The following SPIDR variants were observed in gnomAD, a reference collection of about 807,000 sequenced individuals.
The protein encoded by SPIDR is scaffold protein involved in DNA repair, also known as DNA repair-scaffolding protein.
SPIDR carries 93 observed loss-of-function variants against 104.6 expected under a neutral mutation model. The observed-to-expected ratio is 0.89, with a 90% CI of 0.75 to 1.06. The LOEUF is 1.06. Among genes scored for constraint, SPIDR ranks in the 50% least tolerant of loss-of-function variants. The pLI, the probability that SPIDR is intolerant of heterozygous loss-of-function variation, is 0.00. For synonymous variants in SPIDR, 431 were observed against 416.9 expected (o/e 1.03, Z -0.41); for missense variants, 1,154 against 1,111.2 (o/e 1.04, Z -0.55).
At chr8:47,485,758 C>A (rs1022164920) in intron 8 of SPIDR, among the ~76,000 whole-genome samples, 1 of 152,194 alleles carries the variant, frequency 6.6e-6, no homozygotes, top group African/African-American at 2.4e-5. Flanking sequence ...TGGAGTGGAC[C>A]TCCAGCAAAC....
chr8:47,325,912 A>G (rs1382820386), intron 5 of SPIDR, among the ~76,000 whole-genome samples: 9 of 152,194 alleles, frequency 5.9e-5, no homozygotes. Context: ...CAGCACACCT[A>G]AAGGTGACAG....
At chr8:47,675,279 A>G (rs1275227488) in intron 11 of SPIDR, among the ~76,000 whole-genome samples, 2 of 152,092 alleles carry the variant, frequency 1.3e-5, no homozygotes, top group African/African-American at 4.8e-5. Flanking sequence ...CAGGTGATCC[A>G]CCCACCTCAG....
At chr8:47,303,149 T>A (rs1220491135) in intron 5 of SPIDR, among the ~76,000 whole-genome samples, 1 of 152,224 alleles carries the variant, frequency 6.6e-6, no homozygotes, top group African/African-American at 2.4e-5. Context: ...CAATGGTGGC[T>A]GCCCCTCCCG....
At chr8:47,551,944 G>A (rs546303186) in intron 8 of SPIDR, among the ~76,000 whole-genome samples, 6 of 152,304 alleles carry the variant, frequency 3.9e-5, no homozygotes, top group Non-Finnish European at 7.3e-5. Flanking sequence ...TGCTTTGAAT[G>A]TGTCCCAGAG....
At chr8:47,332,838 G>T (rs1447626431) in intron 5 of SPIDR, among the ~76,000 whole-genome samples, 1 of 108,806 alleles carries the variant, frequency 9.2e-6, no homozygotes, top group Non-Finnish European at 1.8e-5. Flanking sequence ...CCCACTTTTT[G>T]ATGGGGTTGT....
chr8:47,566,157 C>G (rs2057812758), intron 8 of SPIDR, among the ~76,000 whole-genome samples: 1 of 151,008 alleles, frequency 6.6e-6, no homozygotes, highest in Admixed American at 6.6e-5. Context: ...CAGGCATGAG[C>G]CACCATGCCC....
intron 8 of SPIDR, among the ~76,000 whole-genome samples, chr8:47,526,022 C>T (rs2084930186): frequency 6.6e-6 from 1 of 152,124 alleles, no homozygotes; most frequent in East Asian, 1.9e-4. Flanking sequence ...CAGAAGGAAT[C>T]CAGAAGCATA....
chr8:47,599,283 G>GA, intron 10 of SPIDR, 87 bp downstream of exon 10: 1 of 1,523,554 alleles, frequency 6.6e-7, no homozygotes, highest in Non-Finnish European at 8.9e-7. Flanking sequence ...CTCAGAGCAC[G>GA]TTCTTAGCTG....
intron 8 of SPIDR, among the ~76,000 whole-genome samples, chr8:47,468,427 G>A (rs975108838): frequency 5.9e-5 from 9 of 152,152 alleles, no homozygotes; most frequent in African/African-American, 2.2e-4. Flanking sequence ...CAAAGCTGGA[G>A]GTGTTATGCT....
At chr8:47,373,826 G>A (rs1400283337) in intron 5 of SPIDR, among the ~76,000 whole-genome samples, 1 of 152,158 alleles carries the variant, frequency 6.6e-6, no homozygotes, top group Admixed American at 6.5e-5. Context: ...AAATGTGAAT[G>A]GTAATGATTT....
intron 5 of SPIDR, among the ~76,000 whole-genome samples, chr8:47,348,346 C>G (rs62539081): frequency 2.0e-5 from 3 of 152,114 alleles, no homozygotes; most frequent in East Asian, 1.9e-4. Flanking sequence ...TCCCTTTGTG[C>G]GTAACCTGAC....
intron 7 of SPIDR, among the ~76,000 whole-genome samples, chr8:47,434,504 A>C (rs2067927881): frequency 6.6e-6 from 1 of 152,228 alleles, no homozygotes; most frequent in African/African-American, 2.4e-5. Context: ...GCGATAATGT[A>C]GGAGGAAAAT....
chr8:47,310,116 G>A (rs1352160242), intron 5 of SPIDR, among the ~76,000 whole-genome samples: 2 of 151,694 alleles, frequency 1.3e-5, no homozygotes, highest in East Asian at 1.9e-4. Flanking sequence ...GGCAGATCAC[G>A]AGGTCAGGAG....
chr8:47,349,105 T>C (rs1283218302), intron 5 of SPIDR, among the ~76,000 whole-genome samples: 4 of 152,240 alleles, frequency 2.6e-5, no homozygotes, highest in Admixed American at 2.0e-4. Flanking sequence ...CCTTTGGTCT[T>C]TGATGATGGT....
chr8:47,604,978 A>G (rs1273250800), intron 10 of SPIDR, among the ~76,000 whole-genome samples: 1 of 152,192 alleles, frequency 6.6e-6, no homozygotes, highest in Non-Finnish European at 1.5e-5. Context: ...ATATTTGTTT[A>G]TGGTGCCAAG....
At chr8:47,569,428 G>A (rs1212202956) in intron 8 of SPIDR, among the ~76,000 whole-genome samples, 5 of 152,168 alleles carry the variant, frequency 3.3e-5, no homozygotes, top group Admixed American at 6.5e-5. Context: ...CCTAACAGAC[G>A]TGCAGAATAT....
At chr8:47,716,931 A>C (rs2082667388) in intron 16 of SPIDR, among the ~76,000 whole-genome samples, 1 of 152,064 alleles carries the variant, frequency 6.6e-6, no homozygotes, top group Non-Finnish European at 1.5e-5. Context: ...CAGATTTTTT[A>C]ATGAAGAAAT....
chr8:47,274,199 T>C (rs2035907100), intron 1 of SPIDR, among the ~76,000 whole-genome samples: 1 of 152,222 alleles, frequency 6.6e-6, no homozygotes, highest in Non-Finnish European at 1.5e-5. Flanking sequence ...GCACAGTATC[T>C]TTACCTTCCC....
chr8:47,730,715 A>G (rs2085064498), intron 19 of SPIDR, among the ~76,000 whole-genome samples: 1 of 152,128 alleles, frequency 6.6e-6, no homozygotes, highest in Admixed American at 6.5e-5. Flanking sequence ...CCAAGTATCC[A>G]ACCCACATTT....
Sources: gnomAD v4.1 joint callset for allele counts (sites outside exome capture counted in the v4.1 genomes callset) on GRCh38, gnomAD v4.1.1 for gene constraint, MANE v1.5 for transcripts, NCBI Gene and HGNC (gene_info 2026-07-23, HGNC 2026-07-21) for gene names.